MCTP2: variants seen among roughly 807,000 people sequenced by gnomAD.
MCTP2 encodes multiple C2 and transmembrane domain containing 2.
In MCTP2, 132 loss-of-function variants were observed where a neutral mutation model predicts 111.6. That is an observed-to-expected ratio of 1.18 (90% CI 1.03 to 1.37). The LOEUF is 1.37. Ranked by LOEUF, MCTP2 falls within the 40% of genes most tolerant of loss-of-function variation. MCTP2 has a pLI of 0.00. For synonymous variants in MCTP2, 395 were observed against 387.7 expected (o/e 1.02, Z -0.22); for missense variants, 1,183 against 1,067.9 (o/e 1.11, Z -1.50).
At chr15:94,271,826 A>G (rs774347832) in intron 1 of MCTP2, among the ~76,000 whole-genome samples, 1 of 152,196 alleles carries the variant, frequency 6.6e-6, no homozygotes, top group African/African-American at 2.4e-5. Flanking sequence ...TGGCTTTGGA[A>G]CATATGCATA....
chr15:94,282,475 G>A (rs979994119), intron 1 of MCTP2, among the ~76,000 whole-genome samples: 4 of 152,140 alleles, frequency 2.6e-5, no homozygotes, highest in Admixed American at 6.5e-5. Context: ...TTGAATTTCA[G>A]CCTTCTCCTA....
At chr15:94,469,700 C>A (rs1198132545) in intron 20 of MCTP2, among the ~76,000 whole-genome samples, 4 of 151,938 alleles carry the variant, frequency 2.6e-5, no homozygotes, top group African/African-American at 7.3e-5. Flanking sequence ...GACGCCAGAG[C>A]TCTACAAAAA....
At chr15:94,243,066 T>G (rs1219397609) in intron 1 of MCTP2, among the ~76,000 whole-genome samples, 1,077 of 83,320 alleles carry the variant, frequency 0.013, 239 homozygotes, top group African/African-American at 0.042. Flanking sequence ...CACATACACG[T>G]GTATATGTGT....
intron 1 of MCTP2, among the ~76,000 whole-genome samples, chr15:94,257,546 T>C (rs1474551539): frequency 6.7e-6 from 1 of 149,002 alleles, no homozygotes; most frequent in Non-Finnish European, 1.5e-5. Flanking sequence ...ATTTTAAAAA[T>C]ATTTGTTGTC....
At chr15:94,331,024 A>G (rs2077110467) in intron 4 of MCTP2, among the ~76,000 whole-genome samples, 1 of 152,202 alleles carries the variant, frequency 6.6e-6, no homozygotes, top group Non-Finnish European at 1.5e-5. Context: ...ATGAGTCACC[A>G]TGCCCAGCCC....
At chr15:94,476,869 G>A in intron 22 of MCTP2, 76 bp downstream of exon 22, 1 of 843,840 alleles carries the variant, frequency 1.2e-6, no homozygotes, top group Non-Finnish European at 2.0e-6. Flanking sequence ...AGGAACACAA[G>A]GCTTTGCTTG....
intron 17 of MCTP2, among the ~76,000 whole-genome samples, chr15:94,406,286 G>A (rs922723808): frequency 1.6e-4 from 24 of 152,120 alleles, no homozygotes; most frequent in African/African-American, 5.6e-4. Flanking sequence ...GTCAAGTACA[G>A]TGACAGAGCT....
At chr15:94,381,555 C>T (rs1364514604) in intron 12 of MCTP2, among the ~76,000 whole-genome samples, 1 of 152,218 alleles carries the variant, frequency 6.6e-6, no homozygotes, top group Non-Finnish European at 1.5e-5. Flanking sequence ...CATCTCTGCC[C>T]TGCTGTGGAG....
chr15:94,251,172 G>A (rs2072390848), intron 1 of MCTP2, among the ~76,000 whole-genome samples: 1 of 152,152 alleles, frequency 6.6e-6, no homozygotes, highest in Admixed American at 6.5e-5. Flanking sequence ...AGTGAGGACA[G>A]GACCCATGGT....
At chr15:94,264,816 A>G (rs12909797) in intron 1 of MCTP2, among the ~76,000 whole-genome samples, 61,426 of 152,096 alleles carry the variant, frequency 0.4, 13,152 homozygotes, top group Admixed American at 0.5. Flanking sequence ...AATTAGAGTA[A>G]AGGATACTCA....
Position 94,322,167 on chromosome 15 carries a change from C to T in MCTP2, c.637+6530C>T, listed in dbSNP as rs185468458. 2.0e-4 allele frequency among the ~76,000 whole-genome samples: 30 copies of T among 152,302 alleles called. No individual in the cohort carries two copies. In the East Asian group the frequency reaches 2.7e-3, roughly 14 times the overall value. ...TGTATTTAATTTTAAGTAAAAAACA[C>T]GGATCTAATTAATCACATATTTTTT... On this transcript the variant is annotated intron_variant, in intron 4 of 22. Coordinates refer to ENST00000357742, the MANE Select transcript of MCTP2 (RefSeq NM_001385001.1).
At chr15:94,306,427 G>A (rs1471207187) in intron 2 of MCTP2, among the ~76,000 whole-genome samples, 1 of 152,176 alleles carries the variant, frequency 6.6e-6, no homozygotes, top group African/African-American at 2.4e-5. Context: ...GTAAGTGTCA[G>A]AGACAGGATC....
intron 2 of MCTP2, among the ~76,000 whole-genome samples, chr15:94,309,176 C>A (rs528651133): frequency 6.6e-6 from 1 of 152,174 alleles, no homozygotes; most frequent in African/African-American, 2.4e-5. Context: ...GCTCACTTTT[C>A]ATTCTATCAC....
At chr15:94,426,931 C>T (rs762241557) in intron 17 of MCTP2, among the ~76,000 whole-genome samples, 24 of 152,110 alleles carry the variant, frequency 1.6e-4, no homozygotes, top group South Asian at 1.2e-3. Flanking sequence ...CAAAACCATG[C>T]AGTATTTACT....
intron 14 of MCTP2, among the ~76,000 whole-genome samples, chr15:94,397,494 T>C (rs2081338833): frequency 6.6e-6 from 1 of 152,218 alleles, no homozygotes; most frequent in Admixed American, 6.5e-5. Flanking sequence ...CCACAATTTA[T>C]TAAGTGAGAC....
chr15:94,388,385 C>A (rs1281378719), intron 14 of MCTP2, among the ~76,000 whole-genome samples: 1 of 152,130 alleles, frequency 6.6e-6, no homozygotes, highest in East Asian at 1.9e-4. Flanking sequence ...GGGAAGTGAT[C>A]ATATCTTCTA....
chr15:94,259,125 G>A (rs932174608), intron 1 of MCTP2, among the ~76,000 whole-genome samples: 3 of 152,088 alleles, frequency 2.0e-5, no homozygotes, highest in Admixed American at 2.0e-4. Context: ...TTCACTCTGG[G>A]GACCCCCTTC....
intron 8 of MCTP2, among the ~76,000 whole-genome samples, chr15:94,350,123 C>T (rs760907617): frequency 6.6e-5 from 10 of 152,216 alleles, no homozygotes; most frequent in Non-Finnish European, 1.3e-4. Flanking sequence ...TTGAGAAGCC[C>T]TGGGAAGGAC....
intron 17 of MCTP2, among the ~76,000 whole-genome samples, chr15:94,416,827 T>C (rs575597703): frequency 6.6e-6 from 1 of 152,294 alleles, no homozygotes; most frequent in Admixed American, 6.5e-5. Flanking sequence ...TGATTGTCAG[T>C]ATGAAATAAA....
Sources: allele counts gnomAD v4.1 joint callset (sites outside exome capture counted in the v4.1 genomes callset), GRCh38; gene constraint gnomAD v4.1.1; transcripts MANE v1.5; gene names NCBI Gene and HGNC (gene_info 2026-07-23, HGNC 2026-07-21).